The following DOCK9 variants were observed in gnomAD, a reference collection of about 807,000 sequenced individuals.
DOCK9 encodes the protein dedicator of cytokinesis protein 9.
A neutral mutation model predicts 263.3 loss-of-function variants in DOCK9; 89 were observed. The observed-to-expected ratio is 0.34, with a 90% CI of 0.28 to 0.40. DOCK9 has a LOEUF of 0.40. Ranked by LOEUF, DOCK9 falls within the 10% of genes least tolerant of loss-of-function variation. The pLI is 1.00. For synonymous variants in DOCK9, 976 were observed against 973.1 expected, an observed-to-expected ratio of 1.00 and a Z score of -0.06; for missense variants, 2,140 against 2,603.4, an observed-to-expected ratio of 0.82 and a Z score of 3.87.
At chr13:98,887,391 C>T (rs1456202572) in intron 18 of DOCK9, among the ~76,000 whole-genome samples, 1 of 150,578 alleles carries the variant, frequency 6.6e-6, no homozygotes, top group African/African-American at 2.4e-5. Context: ...CCAAGGTGGG[C>T]AGATCACACG....
intron 1 of DOCK9, among the ~76,000 whole-genome samples, chr13:99,076,684 A>T (rs1047183041): frequency 1.3e-5 from 2 of 152,168 alleles, no homozygotes; most frequent in Non-Finnish European, 2.9e-5. Context: ...AATTAGAGGT[A>T]ATAGGAAATA....
At chr13:99,060,467 G>T (rs2041139004) in intron 1 of DOCK9, among the ~76,000 whole-genome samples, 1 of 152,022 alleles carries the variant, frequency 6.6e-6, no homozygotes, top group South Asian at 2.1e-4. Flanking sequence ...AATTCTTTTG[G>T]ATATATAACT....
At chr13:99,082,153 A>C (rs564317458) in intron 1 of DOCK9, among the ~76,000 whole-genome samples, 1 of 152,234 alleles carries the variant, frequency 6.6e-6, no homozygotes, top group African/African-American at 2.4e-5. Context: ...CGGGAGTTCA[A>C]AGGCTGCAGC....
intron 1 of DOCK9, among the ~76,000 whole-genome samples, chr13:99,009,258 G>C (rs1884045366): frequency 6.6e-6 from 1 of 152,218 alleles, no homozygotes; most frequent in African/African-American, 2.4e-5. Context: ...TCTTAGTTAT[G>C]ACACAGGAAA....
chr13:98,867,161 G>T, intron 30 of DOCK9: 1 of 528,414 alleles, frequency 1.9e-6, no homozygotes, highest in Non-Finnish European at 3.5e-6. Flanking sequence ...TATAGCAACT[G>T]AAATAGATTC....
chr13:98,959,617 C>G (rs530955054), intron 1 of DOCK9: 1 of 152,052 alleles, frequency 6.6e-6, no homozygotes, highest in African/African-American at 2.4e-5. Context: ...TGTCCTTTGA[C>G]GGGGGAAAGA....
intron 38 of DOCK9, among the ~76,000 whole-genome samples, chr13:98,840,772 T>C (rs1417885911): frequency 6.6e-6 from 1 of 152,216 alleles, no homozygotes; most frequent in Non-Finnish European, 1.5e-5. Context: ...ACTTCCATGT[T>C]GATAGCCACC....
At chr13:98,979,877 G>A (rs1876728024), upstream of DOCK9, among the ~76,000 whole-genome samples, 1 of 152,208 alleles carries the variant, frequency 6.6e-6, no homozygotes, top group Admixed American at 6.5e-5. Flanking sequence ...CAGACTAACT[G>A]AGCCTTAGTA....
At chr13:98,802,378 G>A (rs9584941) in intron 49 of DOCK9, among the ~76,000 whole-genome samples, 3,396 of 152,324 alleles carry the variant, frequency 0.022, 135 homozygotes, top group African/African-American at 0.077. Flanking sequence ...CTGCATGAGA[G>A]TCCAAACTGG....
At chr13:98,866,986 C>T (rs1025663540) in intron 30 of DOCK9, 2 of 360,104 alleles carry the variant, frequency 5.6e-6, no homozygotes, top group Non-Finnish European at 1.1e-5. Flanking sequence ...CATATGGAAG[C>T]AGTTCAGCCA....
chr13:98,977,652 T>C (rs1875326642), intron 1 of DOCK9, 132 bp downstream of exon 1: 1 of 669,538 alleles, frequency 1.5e-6, no homozygotes, highest in Non-Finnish European at 2.4e-6. Context: ...AGGGAAAGAG[T>C]GGAGTTCACA....
intron 22 of DOCK9, among the ~76,000 whole-genome samples, chr13:98,883,336 C>T (rs139829575): frequency 2.4e-3 from 370 of 152,212 alleles, no homozygotes; most frequent in African/African-American, 8.3e-3. Context: ...CGGCCTTGAC[C>T]TCCCAGCCTC....
chr13:99,084,770 C>A (rs1253720164), intron 1 of DOCK9, among the ~76,000 whole-genome samples: 3 of 152,194 alleles, frequency 2.0e-5, no homozygotes, highest in African/African-American at 7.2e-5. Flanking sequence ...CGGCAGGCCC[C>A]AGATAAAGGA....
At chr13:98,809,277 A>C (rs2091049475) in intron 47 of DOCK9, 75 bp downstream of exon 47, 1 of 1,281,732 alleles carries the variant, frequency 7.8e-7, no homozygotes, top group African/African-American at 1.6e-5. Flanking sequence ...ACTTTATTAT[A>C]GTTTTTTTTT....
chr13:98,889,483 C>T (rs1334208348), intron 15 of DOCK9, among the ~76,000 whole-genome samples: 3 of 152,182 alleles, frequency 2.0e-5, no homozygotes, highest in Non-Finnish European at 4.4e-5. Context: ...GGTTCAGAGT[C>T]GAAGCTCACT....
chr13:98,949,840 C>T (rs1239446161), intron 2 of DOCK9: 1 of 481,466 alleles, frequency 2.1e-6, no homozygotes, highest in African/African-American at 2.0e-5. Context: ...GGGTGCAAGA[C>T]CCATGAGATC....
At chr13:98,845,071 G>A (rs2093348546) in intron 38 of DOCK9, among the ~76,000 whole-genome samples, 1 of 152,184 alleles carries the variant, frequency 6.6e-6, no homozygotes, top group Non-Finnish European at 1.5e-5. Context: ...CGTGCTGTAT[G>A]GTTGATATCT....
intron 1 of DOCK9, among the ~76,000 whole-genome samples, chr13:98,975,442 T>C (rs1316109588): frequency 6.7e-6 from 1 of 148,726 alleles, no homozygotes; most frequent in African/African-American, 2.5e-5. Context: ...AATCCAGAAA[T>C]CTACCATAAT....
intron 38 of DOCK9, among the ~76,000 whole-genome samples, chr13:98,840,607 T>C (rs1215509212): frequency 6.6e-6 from 1 of 152,196 alleles, no homozygotes; most frequent in Non-Finnish European, 1.5e-5. Context: ...AAATGAATAA[T>C]GCTGACACAT....
Sources: allele counts gnomAD v4.1 joint callset (sites outside exome capture counted in the v4.1 genomes callset), GRCh38; gene constraint gnomAD v4.1.1; transcripts MANE v1.5; gene names NCBI Gene and HGNC (gene_info 2026-07-23, HGNC 2026-07-21).